The following ADAP1 variants were observed in gnomAD, a reference collection of about 807,000 sequenced individuals.
ADAP1 encodes ArfGAP with dual PH domains 1.
In ADAP1, 31 loss-of-function variants were observed where a neutral mutation model predicts 54.9. The observed-to-expected ratio is 0.56, with a 90% CI of 0.42 to 0.76. The LOEUF is 0.76. Ranked by LOEUF, ADAP1 falls within the 30% of genes least tolerant of loss-of-function variation. The pLI is 0.00. For missense variants in ADAP1, 535 were observed against 512.4 expected (o/e 1.04, Z -0.42); for synonymous variants, 313 against 202.6 (o/e 1.55, Z -4.63).
intron 4 of ADAP1, 100 bp from the exon 5 acceptor site, chr7:905,272 CG>C (rs60530181): frequency 6.3e-6 from 2 of 318,420 alleles, no homozygotes; most frequent in East Asian, 9.3e-5. Flanking sequence ...GGAGAAGACA[CG>C]GGGGACACGG....
intron 1 of ADAP1, among the ~76,000 whole-genome samples, chr7:950,896 G>A (rs1847252637): frequency 6.7e-6 from 1 of 149,312 alleles, no homozygotes; most frequent in Non-Finnish European, 1.5e-5. Flanking sequence ...AGAACAGAAA[G>A]TAGAAGGGTG....
chr7:908,743 G>A (rs1348812340), intron 4 of ADAP1, among the ~76,000 whole-genome samples: 2 of 152,226 alleles, frequency 1.3e-5, no homozygotes, highest in East Asian at 1.9e-4. Flanking sequence ...GGGAGGCATC[G>A]CAGCAGCGGG....
At chr7:908,212 C>T (rs1219700704) in intron 4 of ADAP1, among the ~76,000 whole-genome samples, 1 of 152,184 alleles carries the variant, frequency 6.6e-6, no homozygotes, top group Non-Finnish European at 1.5e-5. Context: ...CAGACAGAGG[C>T]TCAGATTGCA....
intron 8 of ADAP1, 63 bp downstream of exon 8, chr7:900,039 T>G: frequency 6.3e-7 from 1 of 1,588,234 alleles, no homozygotes; most frequent in East Asian, 2.2e-5. Context: ...CTGCTGCACT[T>G]CAGTCCGAGA....
At chr7:921,908 C>T (rs950576941) in intron 3 of ADAP1, among the ~76,000 whole-genome samples, 3 of 152,184 alleles carry the variant, frequency 2.0e-5, no homozygotes, top group Non-Finnish European at 2.9e-5. Flanking sequence ...CCCACAGGGT[C>T]GGCAGCCCTG....
intron 4 of ADAP1, among the ~76,000 whole-genome samples, chr7:910,104 G>T (rs539940168): frequency 6.6e-6 from 1 of 152,150 alleles, no homozygotes; most frequent in Admixed American, 6.5e-5. Context: ...CGGGGACGCC[G>T]GCCCTTCCAC....
chr7:925,698 T>C (rs955251030), intron 3 of ADAP1, among the ~76,000 whole-genome samples: 4 of 152,258 alleles, frequency 2.6e-5, no homozygotes, highest in Non-Finnish European at 5.9e-5. Flanking sequence ...CAACGGCACG[T>C]GGGCCCCTCA....
At chr7:910,049 C>T (rs1845658499) in intron 4 of ADAP1, among the ~76,000 whole-genome samples, 1 of 149,190 alleles carries the variant, frequency 6.7e-6, no homozygotes, top group Non-Finnish European at 1.5e-5. Flanking sequence ...CCCACGAGAA[C>T]GGCAAAACCA....
chr7:907,922 A>C (rs754524294), intron 4 of ADAP1, among the ~76,000 whole-genome samples: 47 of 151,458 alleles, frequency 3.1e-4, no homozygotes, highest in Middle Eastern at 6.8e-3. Flanking sequence ...CCGTCTGCCG[A>C]GCATCCGTGG....
chr7:931,499 C>T (rs1846578361), intron 2 of ADAP1, among the ~76,000 whole-genome samples: 1 of 149,978 alleles, frequency 6.7e-6, no homozygotes, highest in African/African-American at 2.5e-5. Context: ...CCGTGCGATC[C>T]CGTTTTTAAA....
In ADAP1 at chr7:921,962, G is replaced by A. The variant is rs539359298; in HGVS notation, c.306-1912C>T. ...CCCCAAGGCTCACACCCGCACACAA[G>A]GGCATCCCAGGGCCTGGCACAGAAG... is the stretch of plus-strand genomic sequence containing the variant. On this transcript the variant is annotated intron_variant, in intron 3 of 10. Transcript: ENST00000265846. Among the ~76,000 whole-genome samples, 4 of 152,330 alleles carry A rather than the reference G, an allele frequency of 2.6e-5. No homozygotes were observed. In the South Asian group the frequency reaches 8.3e-4, roughly 32 times the overall value.
chr7:916,730 A>G (rs1464276236), intron 4 of ADAP1, among the ~76,000 whole-genome samples: 2 of 152,234 alleles, frequency 1.3e-5, no homozygotes, highest in Middle Eastern at 3.4e-3. Flanking sequence ...GCGCCTGCAC[A>G]GGCTGGCTGT....
chr7:907,440 C>T (rs1237862800), intron 4 of ADAP1, among the ~76,000 whole-genome samples: 1 of 152,176 alleles, frequency 6.6e-6, no homozygotes, highest in East Asian at 1.9e-4. Context: ...GCTCTGCCCA[C>T]TCCGAGTCTC....
At chr7:930,996 A>G (rs1462026056) in intron 2 of ADAP1, among the ~76,000 whole-genome samples, 2 of 133,562 alleles carry the variant, frequency 1.5e-5, no homozygotes, top group East Asian at 2.4e-4. Flanking sequence ...AAAAAAAAAG[A>G]GAAAGGAAGG....
chr7:929,414 C>T (rs1016844192), intron 2 of ADAP1, among the ~76,000 whole-genome samples: 3 of 151,374 alleles, frequency 2.0e-5, no homozygotes, highest in Non-Finnish European at 4.4e-5. Context: ...CACGTGGTGG[C>T]TCACACCTGT....
chr7:912,067 C>G (rs1329552059), intron 4 of ADAP1, among the ~76,000 whole-genome samples: 2 of 152,176 alleles, frequency 1.3e-5, no homozygotes, highest in African/African-American at 4.8e-5. Flanking sequence ...AAACCGAGGC[C>G]CCAGACCTCG....
At position 926,682 on chromosome 7, in the gene ADAP1, C is replaced by T. The variant is rs1488723480; in HGVS notation, c.214-38G>A. The T allele has an allele frequency of 2.0e-6, 3 of 1,501,654 alleles. No homozygotes were observed. Among genetic ancestry groups the T allele is most frequent in the Non-Finnish European group, 2.7e-6 (3 of 1,118,994 alleles). 93.0% of individuals were successfully genotyped at this position (1,501,654 alleles called of 1,614,324 possible). ...AGGGGCCGGGTCAGAGGCCTGGGGT[C>T]CCAGGGGCAGCCTAGGAGGTGCCAG... On this transcript the variant is annotated intron_variant, in intron 2 of 10. Coordinates refer to ENST00000265846, the MANE Select transcript of ADAP1 (RefSeq NM_006869.4). The surrounding 1 kb of genome is among the most constrained non-coding windows in gnomAD (Gnocchi z 4.6).
At chr7:909,762 T>TG (rs751614064) in intron 4 of ADAP1, among the ~76,000 whole-genome samples, 1 of 152,090 alleles carries the variant, frequency 6.6e-6, no homozygotes, top group Non-Finnish European at 1.5e-5. Flanking sequence ...TCGTGAGTCC[T>TG]GGGGCAGGAC....
In ADAP1 at chr7:900,537, G is replaced by C. The variant is rs973273149; in HGVS notation, c.728C>G (p.Ala243Gly). Residue 243 changes from alanine to glycine, a missense_variant, in exon 7 of 11, where the codon GCA becomes GGA. Transcript: ENST00000265846. Reference protein sequence around the residue: ...LQVAFPGAGDADLVPKLSRNY... With the variant: ...LQVAFPGAGDGDLVPKLSRNY... ...GACCGCAGGGCCGCCACTCACATCT[G>C]CGTCGCCGGCCCCTGGGAATGCCAC... 6.2e-7 allele frequency: 1 copy of C among 1,605,032 alleles called. No individual in the cohort carries two copies.
Sources: gnomAD v4.1 joint callset for allele counts (sites outside exome capture counted in the v4.1 genomes callset) on GRCh38, gnomAD v4.1.1 for gene constraint, Gnocchi (gnomAD v3.1) non-coding constraint, MANE v1.5 for transcripts, NCBI Gene and HGNC (gene_info 2026-07-23, HGNC 2026-07-21) for gene names.